RUVBL1: variants seen among roughly 807,000 people sequenced by gnomAD.
RUVBL1 encodes the protein ruvB-like 1.
A neutral mutation model predicts 52.4 loss-of-function variants in RUVBL1; 4 were observed. The observed-to-expected ratio is 0.08, with a 90% CI of 0.04 to 0.17. The LOEUF (loss-of-function observed/expected upper bound fraction) is 0.17, where lower values mean the gene tolerates loss of function less well. RUVBL1 is among the 10% of genes least tolerant of loss of function. RUVBL1 has a pLI of 1.00. For synonymous variants in RUVBL1, 217 were observed against 214.4 expected (o/e 1.01, Z -0.10); for missense variants, 298 against 572.8 (o/e 0.52, Z 4.90).
chr3:128,072,124 GA>G (rs1942183664), intron 9 of RUVBL1, among the ~76,000 whole-genome samples: 1 of 152,220 alleles, frequency 6.6e-6, no homozygotes, highest in Non-Finnish European at 1.5e-5. Context: ...AGCCAAGCCA[GA>G]AGGACCCAGT....
intron 3 of RUVBL1, among the ~76,000 whole-genome samples, chr3:128,105,260 C>A (rs1459525109): frequency 6.6e-6 from 1 of 151,962 alleles, no homozygotes; most frequent in African/African-American, 2.4e-5. Flanking sequence ...GCTGGGACTA[C>A]AGGCGCCCGC....
chr3:128,153,565 A>T, exon 1 of RUVBL1: 1 of 1,538,752 alleles, frequency 6.5e-7, no homozygotes, highest in Non-Finnish European at 8.7e-7. Flanking sequence ...CGACAGCGGC[A>T]AGACGGCGCT....
chr3:128,067,223 T>A lies in RUVBL1; in HGVS notation c.940-2003A>T. On this transcript the variant is annotated intron_variant, in intron 9 of 9. Transcript: ENST00000464873. This position sits in a 1 kb window ranked among gnomAD's most constrained non-coding sequence, Gnocchi z 4.1. ...GTGGTTTCTATCAGTGTCTTGCTCATGAACAGATATTTCATCCAAAGATAT... is the reference window on the plus strand; with the variant it reads ...GTGGTTTCTATCAGTGTCTTGCTCAAGAACAGATATTTCATCCAAAGATAT... The A allele has an allele frequency of 1.4e-6, 2 of 1,417,984 alleles. No homozygotes were observed. The highest frequency in any genetic ancestry group is 1.2e-5 in the South Asian group (1 of 84,712). The allele number at this position is 1,417,984 out of a possible 1,614,324, so 87.8% of individuals were successfully genotyped here.
At chr3:128,098,850 C>T (rs1442010663) in intron 7 of RUVBL1, 32 bp downstream of exon 7, 3 of 1,603,114 alleles carry the variant, frequency 1.9e-6, no homozygotes, top group African/African-American at 1.3e-5. Flanking sequence ...TCCGCCCTGC[C>T]CCTTGCTCAC....
At chr3:128,113,180 T>C (rs572566326) in intron 2 of RUVBL1, among the ~76,000 whole-genome samples, 160 bp from the exon 3 acceptor site, 1 of 152,338 alleles carries the variant, frequency 6.6e-6, no homozygotes, top group South Asian at 2.1e-4. Context: ...TTGTGGACAG[T>C]CAATTTAAAT....
downstream of RUVBL1, among the ~76,000 whole-genome samples, chr3:128,077,193 C>T (rs1034926643): frequency 9.2e-5 from 14 of 152,258 alleles, no homozygotes; most frequent in Non-Finnish European, 1.5e-4. Context: ...ACCGTGCCTG[C>T]CGCCAAGTGA....
chr3:128,147,177 C>T (rs1030929768), intron 1 of RUVBL1, among the ~76,000 whole-genome samples: 29 of 152,100 alleles, frequency 1.9e-4, no homozygotes, highest in Admixed American at 1.6e-3. Flanking sequence ...TCAAGGGATC[C>T]GCGCACCTCA....
intron 8 of RUVBL1, among the ~76,000 whole-genome samples, chr3:128,093,903 G>C (rs1240245482): frequency 6.6e-6 from 1 of 152,134 alleles, no homozygotes; most frequent in Non-Finnish European, 1.5e-5. Context: ...AGGGAGAGGT[G>C]ACCTAAAGGA....
chr3:128,150,866 A>T (rs572997877), intron 1 of RUVBL1, among the ~76,000 whole-genome samples: 1 of 55,828 alleles, frequency 1.8e-5, no homozygotes, highest in African/African-American at 8.0e-5. Flanking sequence ...ATTATATATT[A>T]TATATATATA....
chr3:128,085,997 T>C lies in RUVBL1; in HGVS notation c.1119+1709A>G, dbSNP rs547856223. ...ACTTGGGCGAATTAGTTACCCTAGG[T>C]CGCAGTGTCCTCATCTGTCTTTTTT... On this transcript the variant is annotated intron_variant, in intron 9 of 10. Transcript: ENST00000322623. 8.1e-4 allele frequency among the ~76,000 whole-genome samples: 123 copies of C among 152,290 alleles called. 1 individual carries two copies. The highest frequency in any genetic ancestry group is 1.5e-3 in the Admixed American group (23 of 15,306).
In RUVBL1 at chr3:128,082,675, C is replaced by T. The variant is rs1942515383; in HGVS notation, c.1120-101G>A. The T allele has an allele frequency of 1.0e-6, 1 of 975,906 alleles. No homozygotes were observed. The highest frequency in any genetic ancestry group is 1.6e-5 in the African/African-American group (1 of 60,962). The allele number at this position is 975,906 out of a possible 1,614,324, so 60.5% of individuals were successfully genotyped here. A position where few individuals can be genotyped will look rare whatever the true frequency, so the allele number is the denominator to read the frequency against. Reference sequence around the variant, plus strand: ...GTTGCTCAGATTTCTCACTGTGCAGCATAAGAGAAACTGAGACCTGGGTTG... The same window carrying T: ...GTTGCTCAGATTTCTCACTGTGCAGTATAAGAGAAACTGAGACCTGGGTTG... On this transcript the variant is annotated intron_variant, in intron 9 of 10. Transcript: ENST00000322623. The surrounding 1 kb of genome is among the most constrained non-coding windows in gnomAD (Gnocchi z 4.7).
At chr3:128,132,066 C>T (rs1446469623) in intron 1 of RUVBL1, among the ~76,000 whole-genome samples, 1 of 152,182 alleles carries the variant, frequency 6.6e-6, no homozygotes, top group Non-Finnish European at 1.5e-5. Context: ...CCTCATGGCA[C>T]AGAGAGAGAA....
At chr3:128,153,000 C>CCGCCCCCCTT (rs1944272377) in intron 1 of RUVBL1, among the ~76,000 whole-genome samples, 1 of 47,958 alleles carries the variant, frequency 2.1e-5, no homozygotes, top group Non-Finnish European at 4.0e-5. Flanking sequence ...CCCGCCCCCC[C>CCGCCCCCCTT]CGCCCCCCTT....
intron 1 of RUVBL1, among the ~76,000 whole-genome samples, chr3:128,121,618 G>A (rs1403864722): frequency 4.7e-5 from 7 of 149,676 alleles, no homozygotes; most frequent in African/African-American, 1.7e-4. Flanking sequence ...GCTGAGGCAG[G>A]AGAATCGCTT....
intron 4 of RUVBL1, among the ~76,000 whole-genome samples, chr3:128,101,980 G>A (rs1943117934): frequency 6.6e-6 from 1 of 152,336 alleles, no homozygotes; most frequent in Non-Finnish European, 1.5e-5. Flanking sequence ...GCTTTTATAA[G>A]GATGGTCCTG....
chr3:128,141,991 T>A (rs961740791), intron 1 of RUVBL1: 1 of 152,264 alleles, frequency 6.6e-6, no homozygotes, highest in Non-Finnish European at 1.5e-5. Context: ...CCATATTTTT[T>A]AAATGGAAAC....
intron 1 of RUVBL1, among the ~76,000 whole-genome samples, chr3:128,151,529 C>T (rs1184399813): frequency 6.6e-6 from 1 of 151,992 alleles, no homozygotes; most frequent in Admixed American, 6.6e-5. Flanking sequence ...CTAACCCTCC[C>T]TTTTAAATAC....
At chr3:128,097,875 T>C (rs928813386) in intron 7 of RUVBL1, among the ~76,000 whole-genome samples, 13 of 152,150 alleles carry the variant, frequency 8.5e-5, no homozygotes, top group Non-Finnish European at 1.8e-4. Flanking sequence ...GACATTGGAG[T>C]TTGGGAGCCC....
chr3:128,104,242 C>T (rs541141720), intron 4 of RUVBL1, among the ~76,000 whole-genome samples: 2 of 152,358 alleles, frequency 1.3e-5, no homozygotes, highest in Non-Finnish European at 2.9e-5. Context: ...ATTCTGGCCT[C>T]TCCACAAAGC....
Sources: allele counts gnomAD v4.1 joint callset (sites outside exome capture counted in the v4.1 genomes callset), GRCh38; gene constraint gnomAD v4.1.1; non-coding constraint Gnocchi (gnomAD v3.1); transcripts MANE v1.5; gene names NCBI Gene and HGNC (gene_info 2026-07-23, HGNC 2026-07-21).